The following TLL1 variants were observed in gnomAD, a reference collection of about 807,000 sequenced individuals.
The protein encoded by TLL1 is tolloid-like protein 1.
In TLL1, 49 loss-of-function variants were observed where a neutral mutation model predicts 128.2. The ratio of observed to expected loss-of-function variants is 0.38; its 90% confidence interval spans 0.30 to 0.48. TLL1 has a LOEUF of 0.48. Ranked by LOEUF, TLL1 falls within the 20% of genes least tolerant of loss-of-function variation. The pLI, the probability that TLL1 is intolerant of heterozygous loss-of-function variation, is 0.96. For synonymous variants in TLL1, 454 were observed against 418.8 expected (o/e 1.08, Z -1.03); for missense variants, 1,123 against 1,242.0 (o/e 0.90, Z 1.44).
At position 166,091,320 on chromosome 4, in the gene TLL1, T is replaced by G; in HGVS notation, c.2635T>G (p.Phe879Val). The G allele has an allele frequency of 6.2e-7, 1 of 1,612,756 alleles. No homozygotes were observed. The highest frequency in any genetic ancestry group is 8.5e-7 in the Non-Finnish European group (1 of 1,179,274). Residue 879 changes from phenylalanine to valine, a missense_variant, in exon 19 of 21, where the codon TTT (phenylalanine) becomes GTT (valine). Coordinates refer to ENST00000061240, the MANE Select transcript of TLL1 (RefSeq NM_012464.5). ...VSDASVQRKG[F>V]QATHSTECGG... ...TGATGCATCTGTTCAAAGAAAAGGC[T>G]TTCAAGCTACACATTCTACAGGTCA...
At chr4:166,013,243 G>A (rs1358950146) in intron 7 of TLL1, among the ~76,000 whole-genome samples, 4 of 151,684 alleles carry the variant, frequency 2.6e-5, no homozygotes, top group Non-Finnish European at 5.9e-5. Flanking sequence ...TTTCTCGATA[G>A]TACCTATTAC....
intron 1 of TLL1, among the ~76,000 whole-genome samples, chr4:165,898,673 T>C (rs1375319398): frequency 6.6e-6 from 1 of 152,212 alleles, no homozygotes; most frequent in Non-Finnish European, 1.5e-5. Flanking sequence ...TCATCAGGGA[T>C]ATTGGCCTGA....
At chr4:165,931,933 C>T (rs770402485) in intron 1 of TLL1, among the ~76,000 whole-genome samples, 1 of 152,072 alleles carries the variant, frequency 6.6e-6, no homozygotes, top group African/African-American at 2.4e-5. Context: ...GCAAGGAGGT[C>T]AGGCGAGTGA....
chr4:165,894,427 T>G lies in TLL1; in HGVS notation c.169+20354T>G, dbSNP rs139432208. On this transcript the variant is annotated intron_variant, in intron 1 of 20. Coordinates refer to ENST00000061240, the MANE Select transcript of TLL1 (RefSeq NM_012464.5). ...ACTGGTACTTAACGGAGTAACATCTTTAAATAATGAAAGAAATGCACTGTC... is the reference window on the plus strand; with the variant it reads ...ACTGGTACTTAACGGAGTAACATCTGTAAATAATGAAAGAAATGCACTGTC... Among the ~76,000 whole-genome samples, 15 of 152,240 alleles carry G rather than the reference T, an allele frequency of 9.9e-5. No individual in the cohort carries two copies. In the East Asian group the frequency reaches 2.9e-3, roughly 29 times the overall value.
chr4:166,009,487 A>G (rs1737583203), intron 7 of TLL1, among the ~76,000 whole-genome samples: 1 of 151,414 alleles, frequency 6.6e-6, no homozygotes, highest in African/African-American at 2.4e-5. Flanking sequence ...GTATTTTCCC[A>G]TAAATTAATC....
At chr4:166,073,355 A>G (rs1029440085) in intron 16 of TLL1, among the ~76,000 whole-genome samples, 1 of 152,164 alleles carries the variant, frequency 6.6e-6, no homozygotes, top group African/African-American at 2.4e-5. Flanking sequence ...GATACAGCTA[A>G]TGGAATAGGA....
At chr4:165,948,022 A>G (rs1309415671) in intron 1 of TLL1, among the ~76,000 whole-genome samples, 2 of 152,194 alleles carry the variant, frequency 1.3e-5, no homozygotes, top group African/African-American at 4.8e-5. Flanking sequence ...AAGTTGACTC[A>G]GAGGGCAGAG....
chr4:166,070,673 A>G (rs560600861), intron 16 of TLL1, among the ~76,000 whole-genome samples: 2 of 152,012 alleles, frequency 1.3e-5, no homozygotes, highest in South Asian at 4.1e-4. Flanking sequence ...CAAATGGAGG[A>G]GTCACTTAAA....
At position 166,077,962 on chromosome 4, in the gene TLL1, G is replaced by T. The variant is rs1477122976; in HGVS notation, c.2374G>T (p.Asp792Tyr). 4 of 1,613,548 alleles carry T rather than the reference G, an allele frequency of 2.5e-6. No individual in the cohort carries two copies. The Admixed American group carries it at 5.0e-5, about 20-fold the overall frequency. ...SGLITSPNWP[D>Y]KYPSRKECTW... ...CCTCATCACCAGTCCCAACTGGCCA[G>T]ACAAGTACCCAAGCAGGAAAGAATG... The change falls in exon 18 of 21, where the codon GAC (aspartate) becomes TAC (tyrosine). Residue 792 changes from aspartate (D) to tyrosine (Y), a missense_variant. Transcript: ENST00000061240.
At chr4:165,984,794 T>C (rs1736326872) in intron 1 of TLL1, among the ~76,000 whole-genome samples, 1 of 151,958 alleles carries the variant, frequency 6.6e-6, no homozygotes, top group Admixed American at 6.6e-5. Context: ...CTTAATAATA[T>C]ATGTCACTAA....
At chr4:166,065,231 A>G (rs1740515696) in intron 15 of TLL1, among the ~76,000 whole-genome samples, 1 of 152,138 alleles carries the variant, frequency 6.6e-6, no homozygotes, top group Admixed American at 6.6e-5. Context: ...AAAAGAAATT[A>G]AGAAATATCA....
At chr4:166,014,213 C>G (rs770414444) in intron 7 of TLL1, among the ~76,000 whole-genome samples, 5 of 151,802 alleles carry the variant, frequency 3.3e-5, no homozygotes, top group Non-Finnish European at 5.9e-5. Flanking sequence ...TTCAAGGAAA[C>G]AAATGAATGT....
chr4:166,075,539 C>T (rs1463968821), intron 17 of TLL1, among the ~76,000 whole-genome samples: 1 of 152,146 alleles, frequency 6.6e-6, no homozygotes, highest in Non-Finnish European at 1.5e-5. Context: ...GTAGCACAAT[C>T]ATACCCTACC....
intron 2 of TLL1, 101 bp from the exon 3 acceptor site, chr4:165,992,703 A>T: frequency 8.9e-7 from 1 of 1,121,938 alleles, no homozygotes. Flanking sequence ...AAGACCACAT[A>T]AAAAATGACC....
intron 1 of TLL1, among the ~76,000 whole-genome samples, chr4:165,888,477 A>G (rs1731256955): frequency 6.6e-6 from 1 of 151,960 alleles, no homozygotes; most frequent in Non-Finnish European, 1.5e-5. Flanking sequence ...TGTGTTTATC[A>G]GTTTAATTGA....
chr4:165,881,382 A>T (rs1157250987), intron 1 of TLL1, among the ~76,000 whole-genome samples: 1 of 152,240 alleles, frequency 6.6e-6, no homozygotes, highest in African/African-American at 2.4e-5. Flanking sequence ...TACGTGAGGA[A>T]AACAGGCAAG....
At chr4:166,071,831 A>T (rs1048560539) in intron 16 of TLL1, among the ~76,000 whole-genome samples, 1 of 152,032 alleles carries the variant, frequency 6.6e-6, no homozygotes, top group Non-Finnish European at 1.5e-5. Context: ...AACATAAGAA[A>T]TCCAAAATTG....
At chr4:165,889,791 T>G (rs1164280779) in intron 1 of TLL1, among the ~76,000 whole-genome samples, 4 of 152,176 alleles carry the variant, frequency 2.6e-5, no homozygotes, top group African/African-American at 9.6e-5. Context: ...TGAAAACAAT[T>G]AATAAGGTTT....
chr4:165,963,030 G>A (rs1456935088), intron 1 of TLL1, among the ~76,000 whole-genome samples: 1 of 143,832 alleles, frequency 7.0e-6, no homozygotes, highest in Non-Finnish European at 1.5e-5. Flanking sequence ...ACTCCAGTCT[G>A]GGTGACAGAG....
Sources: allele counts gnomAD v4.1 joint callset (sites outside exome capture counted in the v4.1 genomes callset), GRCh38; gene constraint gnomAD v4.1.1; transcripts MANE v1.5; gene names NCBI Gene and HGNC (gene_info 2026-07-23, HGNC 2026-07-21).